The following CDC123 variants were observed in gnomAD, a reference collection of about 807,000 sequenced individuals.
The protein encoded by CDC123 is cell division cycle 123.
In CDC123, 37 loss-of-function variants were observed where a neutral mutation model predicts 54.4. The observed-to-expected ratio is 0.68, with a 90% CI of 0.52 to 0.89. CDC123 has a LOEUF of 0.89. Ranked by LOEUF, CDC123 falls within the 40% of genes least tolerant of loss-of-function variation. The probability of loss-of-function intolerance (pLI) is 0.00; values close to 1 mark genes in which losing one functional copy is unlikely to be tolerated. For synonymous variants in CDC123, 144 were observed against 136.8 expected, an observed-to-expected ratio of 1.05 and a Z score of -0.37; for missense variants, 361 against 412.1, an observed-to-expected ratio of 0.88 and a Z score of 1.07.
intron 10 of CDC123, among the ~76,000 whole-genome samples, chr10:12,242,164 GC>G (rs1375552558): frequency 6.6e-6 from 1 of 152,186 alleles, no homozygotes; most frequent in African/African-American, 2.4e-5. Context: ...GGCGGTCGTG[GC>G]GTGGCCTCTG....
chr10:12,246,093 C>T (rs1588685273), intron 10 of CDC123, 56 bp from the exon 11 acceptor site: 10 of 1,569,082 alleles, frequency 6.4e-6, no homozygotes, highest in Non-Finnish European at 8.7e-6. Flanking sequence ...GTTTCTTTCT[C>T]AGAAGACAGA....
At chr10:12,197,312 G>T (rs1835370221) in intron 1 of CDC123, among the ~76,000 whole-genome samples, 1 of 152,052 alleles carries the variant, frequency 6.6e-6, no homozygotes, top group African/African-American at 2.4e-5. Context: ...GCTTGAAATT[G>T]TTTAAAATTT....
intron 1 of CDC123, among the ~76,000 whole-genome samples, chr10:12,197,282 CTT>C (rs1835369253): frequency 6.6e-6 from 1 of 152,014 alleles, no homozygotes; most frequent in African/African-American, 2.4e-5. Flanking sequence ...TTTAAAGAGA[CTT>C]TTAAGTTGCA....
In CDC123 at chr10:12,226,211, TC is replaced by T. The variant is rs925966583; in HGVS notation, c.441-4730del. Among the ~76,000 whole-genome samples, 62 of 151,810 alleles carry T rather than the reference TC, an allele frequency of 4.1e-4. 1 individual carries two copies. The highest frequency in any genetic ancestry group is 1.1e-3 in the African/African-American group (44 of 41,304). ...GATTTCTCTTTCCTTTCCCCACACTTCCCCCCCTTCCACTCAACAAAACCGC... is the reference window on the plus strand; with the variant it reads ...GATTTCTCTTTCCTTTCCCCACACTTCCCCCCTTCCACTCAACAAAACCGC... On this transcript the variant is annotated intron_variant, in intron 6 of 12. Coordinates refer to ENST00000281141, the MANE Select transcript of CDC123 (RefSeq NM_006023.3).
At chr10:12,211,707 C>T (rs1032741193) in intron 4 of CDC123, among the ~76,000 whole-genome samples, 2 of 152,186 alleles carry the variant, frequency 1.3e-5, no homozygotes, top group Admixed American at 6.5e-5. Context: ...GCTGTCAGAT[C>T]AGAGACAGCA....
At position 12,196,275 on chromosome 10, in the gene CDC123, G is replaced by T; in HGVS notation, c.30G>T (p.Gln10His). 2 of 1,613,960 alleles carry T rather than the reference G, an allele frequency of 1.2e-6. No homozygotes were observed. The highest frequency in any genetic ancestry group is 1.7e-6 in the Non-Finnish European group (2 of 1,179,872). Reference protein sequence around the residue: MKKEHVLHCQFSAWYPFFRG... With the variant: MKKEHVLHCHFSAWYPFFRG... ...AGAAGGAGCATGTGCTTCACTGCCA[G>T]TTCTCCGCGTGGTACCCGTTCTTCC... Residue 10 changes from glutamine (Q) to histidine (H), a missense_variant, in exon 1 of 13, where the codon CAG becomes CAT. Gln to His is a conservative substitution (Grantham distance 24, BLOSUM62 0). Coordinates refer to ENST00000281141, the MANE Select transcript of CDC123 (RefSeq NM_006023.3).
intron 11 of CDC123, chr10:12,247,101 T>G (rs1836153706): frequency 1.1e-5 from 1 of 91,276 alleles, no homozygotes; most frequent in Non-Finnish European, 2.5e-5. Context: ...ACTGTCCTCC[T>G]CTCTCACCTC....
chr10:12,210,251 T>A (rs762578600), intron 3 of CDC123, 39 bp from the exon 4 acceptor site: 1 of 1,610,150 alleles, frequency 6.2e-7, no homozygotes, highest in Non-Finnish European at 8.5e-7. Flanking sequence ...GTGCAGTATT[T>A]AAATTTAATG....
At position 12,239,704 on chromosome 10, in the gene CDC123, G is replaced by GT. The variant is rs1239636297; in HGVS notation, c.717+1225dup. ...GCCTGGGCAACAAGAGCGAAACTCT[G>GT]TTTTTTAAAAAAAAAAAAAAGGGGC... On this transcript the variant is annotated intron_variant, in intron 10 of 12. Transcript: ENST00000281141. Among the ~76,000 whole-genome samples the GT allele has an allele frequency of 5.6e-3, 198 of 35,328 alleles. 1 individual carries two copies. The highest frequency in any genetic ancestry group is 0.037 in the South Asian group (32 of 870). 23.2% of individuals were successfully genotyped at this position (35,328 alleles called of 152,430 possible).
chr10:12,213,291 CAT>C (rs1244674187), intron 4 of CDC123, among the ~76,000 whole-genome samples: 1 of 152,222 alleles, frequency 6.6e-6, no homozygotes, highest in Non-Finnish European at 1.5e-5. Context: ...ACAGACCTGT[CAT>C]GTGTGCCTCC....
intron 7 of CDC123, among the ~76,000 whole-genome samples, chr10:12,233,473 A>G (rs894572735): frequency 6.6e-6 from 1 of 152,198 alleles, no homozygotes; most frequent in Non-Finnish European, 1.5e-5. Flanking sequence ...AAAATCAACC[A>G]CAGTGTATGT....
intron 7 of CDC123, among the ~76,000 whole-genome samples, chr10:12,231,894 G>A (rs1471837321): frequency 6.6e-6 from 1 of 151,892 alleles, no homozygotes; most frequent in Non-Finnish European, 1.5e-5. Context: ...TGCCCAGGCT[G>A]GAATGCAGTG....
At chr10:12,246,096 A>G in intron 10 of CDC123, 53 bp from the exon 11 acceptor site, 1 of 1,576,212 alleles carries the variant, frequency 6.3e-7, no homozygotes. Flanking sequence ...TCTTTCTCAG[A>G]AGACAGAGTA....
chr10:12,229,807 C>T (rs958129472), intron 6 of CDC123, among the ~76,000 whole-genome samples: 3 of 152,208 alleles, frequency 2.0e-5, no homozygotes, highest in Non-Finnish European at 2.9e-5. Flanking sequence ...AAGCAGTATA[C>T]TTAATGGAGG....
Position 12,246,180 on chromosome 10 carries a change from T to G in CDC123, c.749T>G (p.Phe250Cys). The part of the protein sequence containing the change: ...GKVWLIDFNP[F>C]GEVTDSLLFT... ...GTGTGGCTCATTGACTTTAATCCAT[T>G]TGGTGAAGTCACAGATTCACTGCTG... Residue 250 changes from phenylalanine to cysteine, a missense_variant, in exon 11 of 13, where the codon TTT (phenylalanine) becomes TGT (cysteine). By Grantham distance (205) the Phe-to-Cys change is radical. Coordinates refer to ENST00000281141, the MANE Select transcript of CDC123 (RefSeq NM_006023.3). 1 of 1,614,028 alleles carries G rather than the reference T, an allele frequency of 6.2e-7. No individual in the cohort carries two copies. Among genetic ancestry groups the G allele is most frequent in the Non-Finnish European group, 8.5e-7 (1 of 1,179,888 alleles).
At chr10:12,225,413 T>G (rs1478920039) in intron 6 of CDC123, among the ~76,000 whole-genome samples, 1 of 151,974 alleles carries the variant, frequency 6.6e-6, no homozygotes, top group Non-Finnish European at 1.5e-5. Flanking sequence ...AATAAATGAA[T>G]AAAAGAAAAG....
intron 6 of CDC123, among the ~76,000 whole-genome samples, chr10:12,228,530 TGAGTAGCTGGGACTACA>T (rs1264334551): frequency 6.6e-6 from 1 of 151,300 alleles, no homozygotes; most frequent in Non-Finnish European, 1.5e-5. Context: ...CTCAGCCTCC[TGAGTAGCTGGGACTACA>T]GGTGTACACC....
intron 11 of CDC123, chr10:12,247,248 T>C (rs1303438454): frequency 1.4e-4 from 1 of 7,360 alleles, no homozygotes; most frequent in Non-Finnish European, 3.0e-4. Context: ...CTCTCTCACC[T>C]CCCCCTCAGG....
intron 11 of CDC123, chr10:12,247,087 G>A (rs1405711253): frequency 1.1e-5 from 1 of 94,414 alleles, no homozygotes; most frequent in Non-Finnish European, 2.2e-5. Flanking sequence ...CTCCCCCTCA[G>A]GACACTGTCC....
Sources: allele counts gnomAD v4.1 joint callset (sites outside exome capture counted in the v4.1 genomes callset), GRCh38; gene constraint gnomAD v4.1.1; transcripts MANE v1.5; gene names NCBI Gene and HGNC (gene_info 2026-07-23, HGNC 2026-07-21).